The following SOAT1 variants were observed in gnomAD, a reference collection of about 807,000 sequenced individuals.
SOAT1 encodes the protein acyl-coenzyme A:cholesterol acyltransferase 1.
Under a neutral mutation model 69.5 loss-of-function variants are expected in SOAT1, and 55 were observed. That is an observed-to-expected ratio of 0.79 (90% CI 0.64 to 0.99). The LOEUF (loss-of-function observed/expected upper bound fraction) is 0.99. Ranked by LOEUF, SOAT1 falls within the 50% of genes least tolerant of loss-of-function variation. SOAT1 has a pLI of 0.00. For missense variants in SOAT1, 580 were observed against 669.3 expected (o/e 0.87, Z 1.47); for synonymous variants, 231 against 224.7 (o/e 1.03, Z -0.25).
chr1:179,309,103 A>G (rs1665130426), intron 2 of SOAT1, among the ~76,000 whole-genome samples: 2 of 152,032 alleles, frequency 1.3e-5, no homozygotes, highest in African/African-American at 4.8e-5. Flanking sequence ...TCTTTTTTTG[A>G]GACGGAGTCT....
chr1:179,307,455 A>T (rs1419913131), intron 2 of SOAT1, among the ~76,000 whole-genome samples: 1 of 152,164 alleles, frequency 6.6e-6, no homozygotes, highest in Non-Finnish European at 1.5e-5. Flanking sequence ...GAAATACTGT[A>T]TCAACATCTT....
At chr1:179,304,578 C>T (rs1571404946) in intron 2 of SOAT1, among the ~76,000 whole-genome samples, 1 of 150,774 alleles carries the variant, frequency 6.6e-6, no homozygotes, top group Non-Finnish European at 1.5e-5. Flanking sequence ...ATGCCCAGCC[C>T]TTTTTCTCCT....
At chr1:179,340,998 A>G (rs1666316248) in intron 6 of SOAT1, 30 bp from the exon 7 acceptor site, 24 of 1,603,190 alleles carry the variant, frequency 1.5e-5, no homozygotes, top group South Asian at 3.3e-5. Flanking sequence ...ATTCACCTCT[A>G]TGTTCTTTTT....
chr1:179,295,315 T>A (rs1377189550), intron 1 of SOAT1, among the ~76,000 whole-genome samples: 1 of 152,190 alleles, frequency 6.6e-6, no homozygotes, highest in Non-Finnish European at 1.5e-5. Context: ...CCAACTCTTA[T>A]ACCTGCCTCA....
Position 179,348,954 on chromosome 1 carries a change from G to C in SOAT1, c.1314+12G>C, listed in dbSNP as rs1449647180. ...AGGACTTTCTCTGGGTAAGTAGCAA[G>C]GTTTAAGTTGATATTATTTATGAAA... On this transcript the variant is annotated intron_variant, in intron 13 of 15. Transcript: ENST00000367619. 7.5e-7 allele frequency: 1 copy of C among 1,339,264 alleles called. No homozygotes were observed. The highest frequency in any genetic ancestry group is 1.1e-6 in the Non-Finnish European group (1 of 931,252). 83.0% of individuals were successfully genotyped at this position (1,339,264 alleles called of 1,614,324 possible).
intron 11 of SOAT1, among the ~76,000 whole-genome samples, chr1:179,346,335 G>A (rs898885950): frequency 6.6e-6 from 1 of 152,168 alleles, no homozygotes; most frequent in Non-Finnish European, 1.5e-5. Flanking sequence ...CAATAAATGA[G>A]TGAAAGAGAT....
intron 1 of SOAT1, among the ~76,000 whole-genome samples, chr1:179,298,873 A>G (rs1664739175): frequency 6.6e-6 from 1 of 152,228 alleles, no homozygotes; most frequent in African/African-American, 2.4e-5. Context: ...GAAAAATTTT[A>G]AATTGAACCA....
At chr1:179,342,299 C>T (rs1666366774) in intron 8 of SOAT1, 107 bp downstream of exon 8, 1 of 646,420 alleles carries the variant, frequency 1.5e-6, no homozygotes, top group South Asian at 2.3e-5. Context: ...TTCCCTCCCT[C>T]CCTCTCTCTT....
At chr1:179,323,044 TC>T (rs1665659689) in intron 2 of SOAT1, among the ~76,000 whole-genome samples, 1 of 110,812 alleles carries the variant, frequency 9.0e-6, no homozygotes. Flanking sequence ...TTCTTTTCTT[TC>T]TTTTTTTTTT....
At chr1:179,326,885 T>C (rs1396125698) in intron 3 of SOAT1, among the ~76,000 whole-genome samples, 7 of 152,126 alleles carry the variant, frequency 4.6e-5, no homozygotes, top group African/African-American at 7.2e-5. Context: ...GAACAAGATA[T>C]AGTAGGACTA....
chr1:179,340,261 G>A (rs1427217893), intron 6 of SOAT1, among the ~76,000 whole-genome samples: 2 of 152,134 alleles, frequency 1.3e-5, no homozygotes, highest in East Asian at 1.9e-4. Flanking sequence ...TTGGGAGGCC[G>A]AGGCGGGAGG....
At chr1:179,303,632 G>A (rs1399264977) in intron 2 of SOAT1, among the ~76,000 whole-genome samples, 1 of 152,130 alleles carries the variant, frequency 6.6e-6, no homozygotes, top group East Asian at 1.9e-4. Context: ...TCAACAGCTG[G>A]ATCCCACCAG....
chr1:179,316,841 A>G (rs1479458285), intron 2 of SOAT1, among the ~76,000 whole-genome samples: 1 of 152,194 alleles, frequency 6.6e-6, no homozygotes, highest in Non-Finnish European at 1.5e-5. Flanking sequence ...GTACCTTCTC[A>G]TTCTTCATGT....
chr1:179,338,373 G>C (rs1322229631), intron 5 of SOAT1, among the ~76,000 whole-genome samples: 1 of 152,058 alleles, frequency 6.6e-6, no homozygotes, highest in African/African-American at 2.4e-5. Context: ...TGAGCACCAG[G>C]TGCAACACCC....
At chr1:179,309,867 AT>A (rs66503219) in intron 2 of SOAT1, among the ~76,000 whole-genome samples, 117,262 of 151,724 alleles carry the variant, frequency 0.77, 45,568 homozygotes, top group African/African-American at 0.8. Flanking sequence ...AATTGTTATA[AT>A]TTTTTTTTTG....
chr1:179,352,659 C>T (rs1466780494), intron 15 of SOAT1, among the ~76,000 whole-genome samples: 1 of 127,906 alleles, frequency 7.8e-6, no homozygotes, highest in Non-Finnish European at 1.7e-5. Context: ...ATCCCTACAA[C>T]CTTCCAGGTT....
chr1:179,345,013 A>C lies in SOAT1; in HGVS notation c.1054A>C (p.Ile352Leu). 1 of 1,614,092 alleles carries C rather than the reference A, an allele frequency of 6.2e-7. No homozygotes were observed. The highest frequency in any genetic ancestry group is 8.5e-7 in the Non-Finnish European group (1 of 1,179,954). Residue 352 changes from isoleucine (I) to leucine (L), a missense_variant, in exon 11 of 16, where the codon ATC becomes CTC. By Grantham distance (5) the Ile-to-Leu change is conservative (BLOSUM62 2). Transcript: ENST00000367619. The part of the protein sequence containing the change: ...ERLCAPLFRN[I>L]KQEPFSARVL... ...GCTTTGTGCCCCCTTGTTTCGGAAT[A>C]TCAAACAGGAGCCCTTCAGCGCTCG... is the stretch of plus-strand genomic sequence containing the variant.
intron 1 of SOAT1, among the ~76,000 whole-genome samples, chr1:179,295,152 CTCTA>C (rs1166765038): frequency 6.6e-6 from 1 of 152,118 alleles, no homozygotes; most frequent in Non-Finnish European, 1.5e-5. Flanking sequence ...AGTGAGCACA[CTCTA>C]TCTCTGGTTC....
chr1:179,324,873 G>A (rs1363170215), intron 3 of SOAT1, among the ~76,000 whole-genome samples: 2 of 152,158 alleles, frequency 1.3e-5, no homozygotes. Context: ...CACGATCTCG[G>A]CTCACTGCAA....
Sources: allele counts gnomAD v4.1 joint callset (sites outside exome capture counted in the v4.1 genomes callset), GRCh38; gene constraint gnomAD v4.1.1; transcripts MANE v1.5; gene names NCBI Gene and HGNC (gene_info 2026-07-23, HGNC 2026-07-21).